BMAL1: variants seen among roughly 807,000 people sequenced by gnomAD.
The protein encoded by BMAL1 is basic helix-loop-helix ARNT like 1.
chr11:13,352,704 T>C, the BMAL1 span, among the ~76,000 whole-genome samples: 2 of 152,198 alleles, frequency 1.3e-5, no homozygotes, highest in African/African-American at 4.8e-5. Context: ...GCAGTGCTTA[T>C]CAAAGTGAAA....
the BMAL1 span, among the ~76,000 whole-genome samples, chr11:13,297,453 G>C: frequency 6.6e-6 from 1 of 152,226 alleles, no homozygotes; most frequent in African/African-American, 2.4e-5. Flanking sequence ...CTGTGGGCCG[G>C]CAGTGAGGAG....
chr11:13,348,905 G>A, the BMAL1 span, among the ~76,000 whole-genome samples: 1 of 152,310 alleles, frequency 6.6e-6, no homozygotes, highest in African/African-American at 2.4e-5. Flanking sequence ...ATTAGCCAGT[G>A]GAATTTGAAA....
the BMAL1 span, among the ~76,000 whole-genome samples, chr11:13,361,391 AC>A: frequency 2.6e-5 from 4 of 152,024 alleles, no homozygotes; most frequent in African/African-American, 9.7e-5. Context: ...GAATAGAAAA[AC>A]GTAACTAAAA....
the BMAL1 span, chr11:13,369,604 G>A: frequency 8.1e-6 from 13 of 1,613,572 alleles, no homozygotes; most frequent in Non-Finnish European, 9.3e-6. Flanking sequence ...CACATTTTGT[G>A]TATTGATTTG....
the BMAL1 span, among the ~76,000 whole-genome samples, chr11:13,290,877 G>A: frequency 0.65 from 99,078 of 151,874 alleles, 32,632 homozygotes; most frequent in Non-Finnish European, 0.71. Context: ...CTTGTCTCTG[G>A]TTTTGAGGTT....
At chr11:13,313,243 C>T in the BMAL1 span, among the ~76,000 whole-genome samples, 1 of 152,216 alleles carries the variant, frequency 6.6e-6, no homozygotes, top group Non-Finnish European at 1.5e-5. Flanking sequence ...GAGATTCCAG[C>T]CTCCACAGCC....
At chr11:13,308,269 AT>A in the BMAL1 span, among the ~76,000 whole-genome samples, 1 of 152,204 alleles carries the variant, frequency 6.6e-6, no homozygotes, top group South Asian at 2.1e-4. Flanking sequence ...TGTGTTGGAC[AT>A]GTTTAAGTTT....
the BMAL1 span, chr11:13,378,605 G>GTTTAACAAGCAGCATCC: frequency 2.1e-6 from 2 of 931,816 alleles, no homozygotes; most frequent in Non-Finnish European, 3.2e-6. Flanking sequence ...GACCAGGGAT[G>GTTTAACAAGCAGCATCC]CTGCTTGTTA....
At chr11:13,296,813 G>A in the BMAL1 span, among the ~76,000 whole-genome samples, 213 of 152,338 alleles carry the variant, frequency 1.4e-3, no homozygotes, top group African/African-American at 4.9e-3. Context: ...AGGAGAATAT[G>A]GCCATCAGCT....
chr11:13,366,976 G>GA, the BMAL1 span, among the ~76,000 whole-genome samples: 17 of 152,188 alleles, frequency 1.1e-4, no homozygotes, highest in South Asian at 8.3e-4. Context: ...ATAAAAAGAA[G>GA]AAAAAAATCT....
At chr11:13,284,142 ATGTGTATATATATATATG>A in the BMAL1 span, among the ~76,000 whole-genome samples, 3 of 33,138 alleles carry the variant, frequency 9.1e-5, no homozygotes, top group Middle Eastern at 0.017. Flanking sequence ...ATATATATAT[ATGTGTATATATATATATG>A]TGTGTATATA....
the BMAL1 span, chr11:13,374,023 AT>A: frequency 7.3e-7 from 1 of 1,362,222 alleles, no homozygotes; most frequent in Non-Finnish European, 1.0e-6. Context: ...AGCAGGGTTT[AT>A]CCATTGCAAA....
At chr11:13,376,259 C>A in the BMAL1 span, among the ~76,000 whole-genome samples, 1 of 152,312 alleles carries the variant, frequency 6.6e-6, no homozygotes, top group East Asian at 1.9e-4. Context: ...TCTCTTTGGC[C>A]AGGCCTGCTC....
chr11:13,326,535 T>G, the BMAL1 span: 3 of 152,170 alleles, frequency 2.0e-5, no homozygotes, highest in South Asian at 6.2e-4. Context: ...TAATCTTCTT[T>G]TTACAGATGA....
chr11:13,372,449 G>A, the BMAL1 span: 3 of 1,605,210 alleles, frequency 1.9e-6, no homozygotes, highest in East Asian at 6.7e-5. Flanking sequence ...TGATGGTAGA[G>A]GATTTTCAAC....
chr11:13,338,197 T>A, the BMAL1 span, among the ~76,000 whole-genome samples: 725 of 152,222 alleles, frequency 4.8e-3, 5 homozygotes, highest in African/African-American at 0.016. Flanking sequence ...GGTTTTTTTT[T>A]TAAATTCTTC....
the BMAL1 span, among the ~76,000 whole-genome samples, chr11:13,325,712 T>G: frequency 6.7e-6 from 1 of 148,240 alleles, no homozygotes; most frequent in Non-Finnish European, 1.5e-5. Flanking sequence ...AATGATTCCT[T>G]CTTTCAAAAA....
chr11:13,323,244 G>A, the BMAL1 span, among the ~76,000 whole-genome samples: 5 of 152,136 alleles, frequency 3.3e-5, no homozygotes, highest in African/African-American at 1.2e-4. Flanking sequence ...GAGCCAAGAG[G>A]TGGAGGACCT....
At chr11:13,336,671 G>C in the BMAL1 span, among the ~76,000 whole-genome samples, 3 of 152,222 alleles carry the variant, frequency 2.0e-5, no homozygotes, top group Non-Finnish European at 4.4e-5. Flanking sequence ...GCCCAGCACT[G>C]ACTGTACTGA....
Sources: gnomAD v4.1 joint callset for allele counts (sites outside exome capture counted in the v4.1 genomes callset) on GRCh38, gnomAD v4.1.1 for gene constraint, MANE v1.5 for transcripts, NCBI Gene and HGNC (gene_info 2026-07-23, HGNC 2026-07-21) for gene names.